Variants in ELOVL5 observed in about 807,000 individuals in gnomAD.
ELOVL5 encodes ELOVL fatty acid elongase 5, also known as very long chain fatty acid elongase 5.
ELOVL5 carries 8 observed loss-of-function variants against 38.6 expected under a neutral mutation model. That is an observed-to-expected ratio of 0.21 (90% confidence interval 0.12 to 0.37). The LOEUF is 0.37. Ranked by LOEUF, ELOVL5 falls within the 10% of genes least tolerant of loss-of-function variation. The pLI is 1.00. For missense variants in ELOVL5, 280 were observed against 367.8 expected, an observed-to-expected ratio of 0.76 and a Z score of 1.95; for synonymous variants, 127 against 133.7, an observed-to-expected ratio of 0.95 and a Z score of 0.34.
intron 1 of ELOVL5, among the ~76,000 whole-genome samples, chr6:53,312,626 G>A (rs900666609): frequency 6.6e-6 from 1 of 152,178 alleles, no homozygotes. Flanking sequence ...ATATTGTGCT[G>A]CAGTCCTGTA....
intron 1 of ELOVL5, among the ~76,000 whole-genome samples, chr6:53,303,053 G>GGAAC (rs1419990431): frequency 2.6e-5 from 4 of 152,228 alleles, no homozygotes; most frequent in African/African-American, 9.6e-5. Flanking sequence ...GGCAGGCATG[G>GGAAC]GAACATTCTT....
intron 1 of ELOVL5, among the ~76,000 whole-genome samples, chr6:53,323,069 G>A (rs1011934011): frequency 6.6e-6 from 1 of 152,144 alleles, no homozygotes; most frequent in Non-Finnish European, 1.5e-5. Context: ...TACCGAGCCT[G>A]CACTTGTTGG....
Position 53,270,733 on chromosome 6 carries a change from G to C in ELOVL5, c.622-6C>G, listed in dbSNP as rs1488249660. The C allele has an allele frequency of 6.2e-7, 1 of 1,614,110 alleles. No individual in the cohort carries two copies. The highest frequency in any genetic ancestry group is 1.1e-5 in the South Asian group (1 of 91,070). ...ATTGTCAGCACAAACTGAAGCTAGG[G>C]GAACAGAGGGGATGCAGCTGAACAG... On this transcript the variant is annotated splice_polypyrimidine_tract_variant and splice_region_variant and intron_variant, in intron 6 of 7. Coordinates refer to ENST00000304434, the MANE Select transcript of ELOVL5 (RefSeq NM_021814.5).
At chr6:53,330,654 T>A (rs1463243611) in intron 1 of ELOVL5, among the ~76,000 whole-genome samples, 1 of 151,654 alleles carries the variant, frequency 6.6e-6, no homozygotes, top group Non-Finnish European at 1.5e-5. Flanking sequence ...CCCGAGTAGC[T>A]GGGACTACAG....
intron 1 of ELOVL5, among the ~76,000 whole-genome samples, chr6:53,323,591 T>TC (rs1313654440): frequency 5.5e-5 from 8 of 145,672 alleles, no homozygotes; most frequent in Non-Finnish European, 9.0e-5. Flanking sequence ...TTTTTTTTTT[T>TC]TTTTTTTTGA....
intron 1 of ELOVL5, among the ~76,000 whole-genome samples, chr6:53,306,436 T>G (rs1767581990): frequency 6.7e-6 from 1 of 149,330 alleles, no homozygotes; most frequent in African/African-American, 2.5e-5. Context: ...TTCAAGGAAA[T>G]TTCTTCCCCA....
rs565612262 is a variant in ELOVL5, at chr6:53,343,911, C to T, written c.-9+4906G>A. Among the ~76,000 whole-genome samples the T allele has an allele frequency of 8.2e-4, 125 of 152,380 alleles. 3 individuals carry two copies. The South Asian group carries it at 0.025, about 31-fold the overall frequency. ...AAGCCCAGAAGCCTGGCTCTGCCAG[C>T]ATCTGGCTGCACCACCTTTGGTAAC... is the stretch of plus-strand genomic sequence containing the variant. On this transcript the variant is annotated intron_variant, in intron 1 of 7. Transcript: ENST00000304434.
chr6:53,337,887 C>G (rs2127593792), intron 1 of ELOVL5, among the ~76,000 whole-genome samples: 1 of 152,272 alleles, frequency 6.6e-6, no homozygotes, highest in Admixed American at 6.5e-5. Context: ...TGGTGACTGA[C>G]AGTTGAGCAA....
At chr6:53,287,903 G>A (rs765725843) in intron 3 of ELOVL5, 92 of 1,535,566 alleles carry the variant, frequency 6.0e-5, no homozygotes, top group Middle Eastern at 3.3e-4. Flanking sequence ...GGATCAGTTC[G>A]TGAGGCACAG....
At chr6:53,305,323 A>AG (rs1767459977) in intron 1 of ELOVL5, among the ~76,000 whole-genome samples, 1 of 57,868 alleles carries the variant, frequency 1.7e-5, no homozygotes, top group African/African-American at 1.1e-4. Context: ...CTGGCCGGGC[A>AG]GGGGGCTGAC....
chr6:53,326,526 T>A (rs998591358), intron 1 of ELOVL5, among the ~76,000 whole-genome samples: 3 of 152,084 alleles, frequency 2.0e-5, no homozygotes, highest in Middle Eastern at 3.4e-3. Flanking sequence ...CTCCGGCAGC[T>A]CCCAAGCAGG....
intron 1 of ELOVL5, among the ~76,000 whole-genome samples, chr6:53,303,533 C>T (rs929836111): frequency 2.0e-5 from 3 of 152,096 alleles, no homozygotes; most frequent in Non-Finnish European, 4.4e-5. Context: ...ATATATCATA[C>T]ACGAAGGCAA....
At chr6:53,276,109 G>T in intron 4 of ELOVL5, 70 bp downstream of exon 4, 2 of 1,120,122 alleles carry the variant, frequency 1.8e-6, no homozygotes, top group Non-Finnish European at 2.6e-6. Context: ...GGGCCATTTT[G>T]TATTTTATAC....
At chr6:53,313,490 A>G (rs1767921330) in intron 1 of ELOVL5, among the ~76,000 whole-genome samples, 1 of 151,938 alleles carries the variant, frequency 6.6e-6, no homozygotes, top group South Asian at 2.1e-4. Flanking sequence ...CCTCCTGAGT[A>G]GCTTGGGACT....
chr6:53,328,764 TA>T (rs5876314), intron 1 of ELOVL5, among the ~76,000 whole-genome samples: 140,056 of 152,176 alleles, frequency 0.92, 64,781 homozygotes, highest in African/African-American at 0.98. Flanking sequence ...AGGGATGAAT[TA>T]AAAAAAATAA....
At chr6:53,294,387 G>C in intron 2 of ELOVL5, 1 of 1,558,514 alleles carries the variant, frequency 6.4e-7, no homozygotes, top group Non-Finnish European at 8.7e-7. Flanking sequence ...CCACACAAAT[G>C]AAACATTTTT....
At chr6:53,311,783 C>A (rs540514119) in intron 1 of ELOVL5, among the ~76,000 whole-genome samples, 1 of 152,218 alleles carries the variant, frequency 6.6e-6, no homozygotes. Flanking sequence ...TAGGCAGATC[C>A]ATCAGTGGTT....
chr6:53,328,770 A>G (rs1177579968), intron 1 of ELOVL5, among the ~76,000 whole-genome samples: 1 of 152,230 alleles, frequency 6.6e-6, no homozygotes, highest in African/African-American at 2.4e-5. Flanking sequence ...GAATTAAAAA[A>G]AATAAAATGA....
In ELOVL5 at chr6:53,273,255, G is replaced by A; in HGVS notation, c.586C>T (p.Leu196Phe). Residue 196 changes from leucine to phenylalanine, a missense_variant, in exon 6 of 8, where the codon CTC (leucine) becomes TTC (phenylalanine). Physicochemically the swap from Leu to Phe is conservative, Grantham distance 22 (BLOSUM62 0). Transcript: ENST00000304434. ...LSSVPSMRPY[L>F]WWKKYITQGQ... ...TGAGTGATGTACTTCTTCCACCAGA[G>A]GTATGGACGCATGGAAGGGACTGAC... The A allele has an allele frequency of 6.2e-7, 1 of 1,613,890 alleles. No individual in the cohort carries two copies. Among genetic ancestry groups the A allele is most frequent in the African/African-American group, 1.3e-5 (1 of 75,026 alleles).
Sources: gnomAD v4.1 joint callset for allele counts (sites outside exome capture counted in the v4.1 genomes callset) on GRCh38, gnomAD v4.1.1 for gene constraint, MANE v1.5 for transcripts, NCBI Gene and HGNC (gene_info 2026-07-23, HGNC 2026-07-21) for gene names.